INPP4B: variants seen among roughly 807,000 people sequenced by gnomAD.
INPP4B encodes inositol polyphosphate-4-phosphatase type II B, also known as inositol polyphosphate 4-phosphatase type II.
Under a neutral mutation model 122.5 loss-of-function variants are expected in INPP4B, and 55 were observed. The ratio of observed to expected loss-of-function variants is 0.45; its 90% CI spans 0.36 to 0.56. The LOEUF is 0.56. Ranked by LOEUF, INPP4B falls within the 20% of genes least tolerant of loss-of-function variation. The probability of loss-of-function intolerance (pLI) is 0.00; values close to 1 mark genes in which losing one functional copy is unlikely to be tolerated. For synonymous variants in INPP4B, 403 were observed against 388.7 expected (o/e 1.04, Z -0.43); for missense variants, 1,000 against 1,097.7 (o/e 0.91, Z 1.26).
chr4:142,789,291 C>A (rs1379698302), intron 1 of INPP4B, among the ~76,000 whole-genome samples: 1 of 152,118 alleles, frequency 6.6e-6, no homozygotes, highest in Non-Finnish European at 1.5e-5. Context: ...GGAAGTCAAA[C>A]TGTCACTGTT....
In INPP4B at chr4:142,181,321, G is replaced by A. The variant is rs28594354; in HGVS notation, c.1182-7512C>T. ...AGAATGTTTTTGTTACCTAGTTTCC[G>A]TATTTGCTGGAAGTAGAAGTTGCAA... On this transcript the variant is annotated intron_variant, in intron 15 of 25. Coordinates refer to ENST00000262992, the MANE Select transcript of INPP4B (RefSeq NM_001101669.3). Among the ~76,000 whole-genome samples, 705 of 152,088 alleles carry A rather than the reference G, an allele frequency of 4.6e-3. 3 individuals carry two copies. The highest frequency in any genetic ancestry group is 0.016 in the African/African-American group (643 of 41,476).
chr4:142,334,414 T>C (rs534295789), intron 7 of INPP4B, among the ~76,000 whole-genome samples: 2 of 152,300 alleles, frequency 1.3e-5, no homozygotes, highest in East Asian at 1.9e-4. Flanking sequence ...GCAATGAACA[T>C]GGGCATGAAG....
chr4:142,379,111 G>T (rs7687897), intron 7 of INPP4B, among the ~76,000 whole-genome samples: 3,049 of 151,974 alleles, frequency 0.02, 120 homozygotes, highest in African/African-American at 0.07. Context: ...ACCCAAAATG[G>T]CAATTTTTTA....
intron 2 of INPP4B, among the ~76,000 whole-genome samples, chr4:142,550,733 C>A (rs1351261752): frequency 1.3e-5 from 2 of 151,824 alleles, no homozygotes; most frequent in Non-Finnish European, 2.9e-5. Context: ...ACTAGGGGAC[C>A]AAGTACTTCA....
At chr4:142,837,446 C>T (rs1468510873) in intron 1 of INPP4B, among the ~76,000 whole-genome samples, 1 of 152,084 alleles carries the variant, frequency 6.6e-6, no homozygotes, top group Non-Finnish European at 1.5e-5. Flanking sequence ...CACTTACCTG[C>T]TGTGTGATCT....
At chr4:142,779,597 C>T (rs1036907510) in intron 1 of INPP4B, among the ~76,000 whole-genome samples, 3 of 152,090 alleles carry the variant, frequency 2.0e-5, no homozygotes, top group African/African-American at 7.2e-5. Context: ...ATTGGTATGG[C>T]ATCCCTTCCC....
intron 2 of INPP4B, among the ~76,000 whole-genome samples, chr4:142,581,308 C>A (rs1373632863): frequency 6.6e-6 from 1 of 152,020 alleles, no homozygotes; most frequent in African/African-American, 2.4e-5. Flanking sequence ...AGTATTTCTA[C>A]ACAGCTGTTA....
chr4:142,111,740 AT>A (rs76753106), intron 22 of INPP4B, among the ~76,000 whole-genome samples: 1 of 151,288 alleles, frequency 6.6e-6, no homozygotes, highest in East Asian at 2.0e-4. Context: ...AAAAAAAGAG[AT>A]TTTTTTTTAT....
chr4:142,114,848 G>A (rs189692613), intron 21 of INPP4B, among the ~76,000 whole-genome samples: 379 of 151,474 alleles, frequency 2.5e-3, no homozygotes, highest in Non-Finnish European at 4.5e-3. Flanking sequence ...TACCTAAACC[G>A]GTAATAACTT....
chr4:142,694,962 T>C (rs181088399), intron 2 of INPP4B, among the ~76,000 whole-genome samples: 20 of 149,330 alleles, frequency 1.3e-4, no homozygotes, highest in Admixed American at 1.1e-3. Context: ...TCACTATTGA[T>C]CCAGTAATAA....
intron 1 of INPP4B, among the ~76,000 whole-genome samples, chr4:142,762,393 T>C (rs977006990): frequency 3.3e-5 from 5 of 152,126 alleles, no homozygotes; most frequent in African/African-American, 1.2e-4. Flanking sequence ...CAGATCATCT[T>C]AGGGATAAAA....
chr4:142,050,394 TAAG>T (rs1167275889), intron 25 of INPP4B, among the ~76,000 whole-genome samples: 25 of 152,132 alleles, frequency 1.6e-4, no homozygotes, highest in South Asian at 4.1e-4. Flanking sequence ...ATTTTTCTAA[TAAG>T]AAGTATTTCA....
chr4:142,448,229 T>C (rs572207690), intron 3 of INPP4B, among the ~76,000 whole-genome samples: 1 of 149,770 alleles, frequency 6.7e-6, no homozygotes, highest in South Asian at 2.1e-4. Context: ...CATGGAGTGC[T>C]GGATGCTTGA....
At chr4:142,513,738 C>T (rs951910659) in intron 2 of INPP4B, among the ~76,000 whole-genome samples, 2 of 152,098 alleles carry the variant, frequency 1.3e-5, no homozygotes, top group Non-Finnish European at 2.9e-5. Context: ...GGCACTAATC[C>T]GATCCAGGAG....
chr4:142,560,014 C>T (rs1469511888), intron 2 of INPP4B, among the ~76,000 whole-genome samples: 2 of 152,198 alleles, frequency 1.3e-5, no homozygotes, highest in African/African-American at 4.8e-5. Context: ...ACTGGTATCT[C>T]TAAAAGCCTC....
chr4:142,270,766 T>A lies in INPP4B; in HGVS notation c.512A>T (p.Asp171Val), dbSNP rs757589303. The part of the protein sequence containing the change: ...QLLVLSLRTS[D>V]GGKVVGTIEV... ...TATGGTGCCAACCACTTTGCCACCA[T>A]CTGAAGTTCTGCAACAAAAAATACA... Residue 171 changes from aspartate (D) to valine (V), a missense_variant, in exon 10 of 26, where the codon GAT (aspartate) becomes GTT (valine). Coordinates refer to ENST00000262992, the MANE Select transcript of INPP4B (RefSeq NM_001101669.3). 1.4e-5 allele frequency: 22 copies of A among 1,610,396 alleles called. No individual in the cohort carries two copies. The Admixed American group carries it at 3.3e-4, about 24-fold the overall frequency.
At chr4:142,488,699 T>C (rs1821484519) in intron 2 of INPP4B, among the ~76,000 whole-genome samples, 3 of 152,266 alleles carry the variant, frequency 2.0e-5, no homozygotes, top group Admixed American at 1.3e-4. Context: ...ATACTCCCTA[T>C]ATTCCTCTTA....
chr4:142,041,408 A>C (rs1747382452), intron 25 of INPP4B, among the ~76,000 whole-genome samples: 1 of 152,134 alleles, frequency 6.6e-6, no homozygotes, highest in African/African-American at 2.4e-5. Context: ...ACCTGAGGTC[A>C]GGAGTTTGAG....
chr4:142,355,680 A>C (rs1783348944), intron 7 of INPP4B, among the ~76,000 whole-genome samples: 1 of 152,030 alleles, frequency 6.6e-6, no homozygotes, highest in African/African-American at 2.4e-5. Context: ...TGCACAGAGA[A>C]TCTTTATATA....
Sources: gnomAD v4.1 joint callset for allele counts (sites outside exome capture counted in the v4.1 genomes callset) on GRCh38, gnomAD v4.1.1 for gene constraint, MANE v1.5 for transcripts, NCBI Gene and HGNC (gene_info 2026-07-23, HGNC 2026-07-21) for gene names.